CUX1: variants seen among roughly 807,000 people sequenced by gnomAD.
CUX1 encodes the protein cut like homeobox 1.
Under a neutral mutation model 158.8 loss-of-function variants are expected in CUX1, and 31 were observed. The ratio of observed to expected loss-of-function variants is 0.20; its 90% CI spans 0.15 to 0.26. The LOEUF (loss-of-function observed/expected upper bound fraction) is 0.26, where lower values mean the gene tolerates loss of function less well. Ranked by LOEUF, CUX1 falls within the 10% of genes least tolerant of loss-of-function variation. The pLI is 1.00. For synonymous variants in CUX1, 879 were observed against 862.1 expected (o/e 1.02, Z -0.34); for missense variants, 1,589 against 2,014.6 (o/e 0.79, Z 4.04).
intron 2 of CUX1, among the ~76,000 whole-genome samples, chr7:101,968,722 C>T (rs762672362): frequency 9.2e-5 from 14 of 152,186 alleles, no homozygotes; most frequent in Non-Finnish European, 1.9e-4. Flanking sequence ...CATGCCCGGC[C>T]TGAAGAGCCT....
rs1357817494 is a variant in CUX1, at chr7:102,251,557, G to A, written c.*2515G>A. 3.0e-6 allele frequency: 3 copies of A among 985,434 alleles called. No homozygotes were observed. The highest frequency in any genetic ancestry group is 2.4e-6 in the Non-Finnish European group (2 of 829,944). The allele number at this position is 985,434 out of a possible 1,614,324, so 61.0% of individuals were successfully genotyped here. The stretch of plus-strand genomic sequence containing the variant: ...TGTTGGGGGTATCATTTCTGAACTT[G>A]AAATCCAGTTCAGGGAGAAGAGAAT... On this transcript the variant is annotated 3_prime_UTR_variant, in exon 24 of 24. Coordinates refer to ENST00000292535, the MANE Select transcript of CUX1 (RefSeq NM_181552.4).
At position 102,248,390 on chromosome 7, in the gene CUX1, C is replaced by T. The variant is rs1554537711; in HGVS notation, c.3888-22C>T. 8.9e-6 allele frequency: 14 copies of T among 1,570,336 alleles called. No individual in the cohort carries two copies. Among genetic ancestry groups the T allele is most frequent in the Non-Finnish European group, 1.2e-5 (14 of 1,164,624 alleles). On this transcript the variant is annotated intron_variant, in intron 23 of 23. Coordinates refer to ENST00000292535, the MANE Select transcript of CUX1 (RefSeq NM_181552.4). This position sits in a 1 kb window ranked among gnomAD's most constrained non-coding sequence, Gnocchi z 5.8. ...TCCCCAGCAGCACCCCCCTCACGTC[C>T]CCGCCGCTTGTTGTCTTGTAGGTCT... is the stretch of plus-strand genomic sequence containing the variant.
Position 102,204,179 on chromosome 7 carries a change from C to T in CUX1, c.2908-212C>T, listed in dbSNP as rs182346447. Among the ~76,000 whole-genome samples, 322 of 152,328 alleles carry T rather than the reference C, an allele frequency of 2.1e-3. 2 individuals are homozygous for T. The highest frequency in any genetic ancestry group is 3.3e-3 in the Non-Finnish European group (227 of 68,030). ...GCTGTGGCTGTAACCATGGCTCACC[C>T]GAAAGTCCCCCTGTGCCGGGGTCTC... On this transcript the variant is annotated intron_variant, in intron 18 of 23. Coordinates refer to ENST00000292535, the MANE Select transcript of CUX1 (RefSeq NM_181552.4).
chr7:102,133,728 G>A (rs1202799239), intron 8 of CUX1, among the ~76,000 whole-genome samples: 2 of 152,026 alleles, frequency 1.3e-5, no homozygotes, highest in Non-Finnish European at 2.9e-5. Context: ...ACCCGCCTCC[G>A]CCTCCCAAAG....
intron 23 of CUX1, among the ~76,000 whole-genome samples, chr7:102,245,340 G>A (rs114780838): frequency 4.6e-5 from 7 of 152,246 alleles, no homozygotes; most frequent in East Asian, 3.9e-4. Flanking sequence ...CCCTGCACCC[G>A]GCCTGAGCAG....
rs534006579 is a variant in CUX1, at chr7:102,103,417, T to TTCTC, written c.407-904_407-901dup. 4.2e-3 allele frequency among the ~76,000 whole-genome samples: 618 copies of TTCTC among 146,352 alleles called. 5 individuals are homozygous for TTCTC. Among genetic ancestry groups the TTCTC allele is most frequent in the African/African-American group, 0.015 (584 of 39,810 alleles). Reference sequence around the variant, plus strand: ...TCCCTCTCTTTCTTTTGCTCTCCGTTTCTCTCTCTCTCTCTCTCACTCACT... The same window carrying TTCTC: ...TCCCTCTCTTTCTTTTGCTCTCCGTTTCTCTCTCTCTCTCTCTCTCTCACTCACT... On this transcript the variant is annotated intron_variant, in intron 5 of 23. Coordinates refer to ENST00000292535, the MANE Select transcript of CUX1 (RefSeq NM_181552.4).
chr7:102,209,549 C>T lies in CUX1; in HGVS notation c.3130+4379C>T, dbSNP rs531417483. Among the ~76,000 whole-genome samples, 22 of 152,260 alleles carry T rather than the reference C, an allele frequency of 1.4e-4. No individual in the cohort carries two copies. The South Asian group carries it at 3.9e-3, about 27-fold the overall frequency. On this transcript the variant is annotated intron_variant, in intron 20 of 23. Coordinates refer to ENST00000292535, the MANE Select transcript of CUX1 (RefSeq NM_181552.4). ...TTACCTGTTCATAGATTTCCTGGTA[C>T]GTCTTAACTTTCTACAAATATTTTT...
At chr7:102,179,251 T>C (rs1246936955) in intron 11 of CUX1, among the ~76,000 whole-genome samples, 1 of 152,198 alleles carries the variant, frequency 6.6e-6, no homozygotes, top group African/African-American at 2.4e-5. Context: ...TTTCGCCACA[T>C]TGGCCAGGCT....
chr7:102,209,941 C>T (rs182050769), intron 20 of CUX1, among the ~76,000 whole-genome samples: 4 of 152,240 alleles, frequency 2.6e-5, no homozygotes, highest in African/African-American at 7.2e-5. Flanking sequence ...GGCTGGAGTG[C>T]AGTGACACAA....
At chr7:101,831,646 GC>G (rs1382827236) in intron 1 of CUX1, among the ~76,000 whole-genome samples, 1 of 152,064 alleles carries the variant, frequency 6.6e-6, no homozygotes, top group Non-Finnish European at 1.5e-5. Flanking sequence ...ATAAGTGAGT[GC>G]CCAGTGGCCT....
intron 1 of CUX1, among the ~76,000 whole-genome samples, chr7:101,879,729 G>A (rs1259358419): frequency 3.3e-5 from 5 of 152,278 alleles, no homozygotes; most frequent in Admixed American, 1.3e-4. Context: ...CCTGGGTGCC[G>A]TGCGGCCCGC....
At chr7:102,220,911 G>A (rs1055516196) in intron 20 of CUX1, among the ~76,000 whole-genome samples, 3 of 152,018 alleles carry the variant, frequency 2.0e-5, no homozygotes, top group African/African-American at 4.8e-5. Flanking sequence ...GGGTTTTGCC[G>A]TGTTAGCAGG....
chr7:101,875,844 A>C (rs1363761095), intron 1 of CUX1, among the ~76,000 whole-genome samples: 1 of 151,510 alleles, frequency 6.6e-6, no homozygotes. Context: ...TTTTTTTCCC[A>C]AAATGGAAAT....
chr7:102,039,415 A>AGGCCGAGACAGGC (rs1821796425), intron 3 of CUX1, among the ~76,000 whole-genome samples: 1 of 152,088 alleles, frequency 6.6e-6, no homozygotes, highest in Non-Finnish European at 1.5e-5. Flanking sequence ...ACACTTTGAG[A>AGGCCGAGACAGGC]GGCCGAGACA....
intron 4 of CUX1, among the ~76,000 whole-genome samples, chr7:102,084,376 G>T (rs1348981690): frequency 6.7e-6 from 1 of 149,222 alleles, no homozygotes; most frequent in Non-Finnish European, 1.5e-5. Context: ...AAATTTTTTT[G>T]AAGTTTTCTT....
At chr7:101,821,252 C>A (rs565721201) in intron 1 of CUX1, among the ~76,000 whole-genome samples, 11 of 151,772 alleles carry the variant, frequency 7.2e-5, no homozygotes, top group Admixed American at 4.6e-4. Context: ...GATACTCCCC[C>A]CCGCCCCCAA....
intron 2 of CUX1, among the ~76,000 whole-genome samples, chr7:101,963,393 G>GAGGC (rs1442969525): frequency 3.3e-5 from 5 of 152,192 alleles, no homozygotes; most frequent in Admixed American, 2.0e-4. Flanking sequence ...GATGTTGAAT[G>GAGGC]AGGCAGGCGT....
chr7:101,826,235 C>T (rs1793279237), intron 1 of CUX1, among the ~76,000 whole-genome samples: 1 of 151,860 alleles, frequency 6.6e-6, no homozygotes, highest in Non-Finnish European at 1.5e-5. Flanking sequence ...GGGTCTTGCT[C>T]TGTTGCCGGC....
intron 8 of CUX1, among the ~76,000 whole-genome samples, chr7:102,120,759 G>C (rs1831947564): frequency 6.6e-6 from 1 of 152,198 alleles, no homozygotes; most frequent in Non-Finnish European, 1.5e-5. Flanking sequence ...GAGGACATAA[G>C]ACAGAATTTG....
Sources: gnomAD v4.1 joint callset for allele counts (sites outside exome capture counted in the v4.1 genomes callset) on GRCh38, gnomAD v4.1.1 for gene constraint, Gnocchi (gnomAD v3.1) non-coding constraint, MANE v1.5 for transcripts, NCBI Gene and HGNC (gene_info 2026-07-23, HGNC 2026-07-21) for gene names.